The following TFEC variants were observed in gnomAD, a reference collection of about 807,000 sequenced individuals.
TFEC encodes class E basic helix-loop-helix protein 34.
A neutral mutation model predicts 41.6 loss-of-function variants in TFEC; 31 were observed. The observed-to-expected ratio is 0.74, with a 90% CI of 0.56 to 1.01. The LOEUF is 1.01. TFEC is among the 50% of genes least tolerant of loss of function. TFEC has a pLI of 0.00. For missense variants in TFEC, 402 were observed against 404.1 expected (o/e 0.99, Z 0.04); for synonymous variants, 143 against 140.6 (o/e 1.02, Z -0.12).
chr7:116,063,804 C>T (rs77161566), intron 3 of TFEC, among the ~76,000 whole-genome samples: 2,138 of 152,278 alleles, frequency 0.014, 42 homozygotes, highest in African/African-American at 0.048. Context: ...AATAGCATTA[C>T]ATTGGGTAAA....
At chr7:116,142,137 A>G (rs902913556) in intron 1 of TFEC, among the ~76,000 whole-genome samples, 1 of 152,126 alleles carries the variant, frequency 6.6e-6, no homozygotes, top group East Asian at 1.9e-4. Flanking sequence ...TCCCAAGTAC[A>G]ATTTTCTATG....
At chr7:115,989,430 C>T (rs1794005045) in intron 1 of TFEC, among the ~76,000 whole-genome samples, 1 of 152,082 alleles carries the variant, frequency 6.6e-6, no homozygotes, top group Non-Finnish European at 1.5e-5. Context: ...GGAGTGTGAG[C>T]CAAAGAAGGG....
chr7:116,021,713 T>TA (rs1789396846), intron 1 of TFEC, among the ~76,000 whole-genome samples: 1 of 152,218 alleles, frequency 6.6e-6, no homozygotes, highest in South Asian at 2.1e-4. Flanking sequence ...GCCAGTCAAA[T>TA]AAGCAGTCAG....
chr7:115,956,268 T>C (rs1792220315), intron 4 of TFEC, among the ~76,000 whole-genome samples: 1 of 150,936 alleles, frequency 6.6e-6, no homozygotes, highest in Non-Finnish European at 1.5e-5. Context: ...CCAATATTTG[T>C]TTTTTATCAA....
chr7:116,076,231 C>A (rs1014500888), intron 3 of TFEC, among the ~76,000 whole-genome samples: 1 of 152,146 alleles, frequency 6.6e-6, no homozygotes, highest in Admixed American at 6.5e-5. Context: ...CAGGAGAACA[C>A]CACATCAAGG....
In TFEC at chr7:115,955,509, G is replaced by A. The variant is rs372234663; in HGVS notation, c.383-867C>T. ...TACAAGAACTTGAGTGAAACACCTC[G>A]GGAGTGCATCCTCCAGCCTCAGTCA... is the stretch of plus-strand genomic sequence containing the variant. On this transcript the variant is annotated intron_variant, in intron 4 of 7. Coordinates refer to ENST00000265440, the MANE Select transcript of TFEC (RefSeq NM_012252.4). Among the ~76,000 whole-genome samples the A allele has an allele frequency of 2.7e-4, 41 of 152,098 alleles. No homozygotes were observed. In the East Asian group the frequency reaches 5.9e-3, roughly 22 times the overall value.
At chr7:115,957,354 A>T (rs1309777335) in intron 3 of TFEC, among the ~76,000 whole-genome samples, 1 of 151,806 alleles carries the variant, frequency 6.6e-6, no homozygotes, top group Non-Finnish European at 1.5e-5. Flanking sequence ...GTTCTAGATT[A>T]TTATAAATAT....
chr7:115,986,258 T>C (rs1437897945), intron 1 of TFEC, among the ~76,000 whole-genome samples: 1 of 152,090 alleles, frequency 6.6e-6, no homozygotes, highest in African/African-American at 2.4e-5. Flanking sequence ...GCTAAACAAT[T>C]TACATATATT....
chr7:116,029,902 T>C (rs1438274248), intron 1 of TFEC, among the ~76,000 whole-genome samples: 1 of 92,744 alleles, frequency 1.1e-5, no homozygotes, highest in Non-Finnish European at 2.2e-5. Flanking sequence ...CTACTAAAGA[T>C]ACAAAAAAAA....
At chr7:116,113,283 G>C (rs1391384063) in intron 1 of TFEC, among the ~76,000 whole-genome samples, 1 of 151,936 alleles carries the variant, frequency 6.6e-6, no homozygotes, top group African/African-American at 2.4e-5. Context: ...AGTAGGGTGA[G>C]CCCTTAATTC....
chr7:115,940,567 T>G lies in TFEC; in HGVS notation c.1028A>C (p.Asp343Ala), dbSNP rs1186414970. Reference sequence around the variant, plus strand: ...GTTTATTTCTTATAATTCATCACCATCATCTGAGCTAAAGCTACTTCTCCT... The same window carrying G: ...GTTTATTTCTTATAATTCATCACCAGCATCTGAGCTAAAGCTACTTCTCCT... ...SSRRSSFSSDDGDEL is the reference protein window; with the variant it reads ...SSRRSSFSSDAGDEL Residue 343 changes from aspartate (D) to alanine (A), a missense_variant, in exon 8 of 8, where the codon GAT (aspartate) becomes GCT (alanine). Coordinates refer to ENST00000265440, the MANE Select transcript of TFEC (RefSeq NM_012252.4). 5.6e-6 allele frequency: 9 copies of G among 1,611,054 alleles called. No individual in the cohort carries two copies. Among genetic ancestry groups the G allele is most frequent in the Non-Finnish European group, 5.9e-6 (7 of 1,178,342 alleles).
chr7:116,133,366 AG>A (rs1798372035), intron 1 of TFEC, among the ~76,000 whole-genome samples: 2 of 152,200 alleles, frequency 1.3e-5, no homozygotes, highest in South Asian at 4.1e-4. Context: ...CTTGGCCAAC[AG>A]GGTGAAACCC....
rs769952412 is a variant in TFEC, at chr7:115,950,949, A to C, written c.440T>G (p.Ile147Ser). The change falls in exon 6 of 8, where the codon ATT (isoleucine) becomes AGT (serine). Residue 147 changes from isoleucine (I) to serine (S), a missense_variant and splice_region_variant. Physicochemically the swap from Ile to Ser is moderately radical, Grantham distance 142 (BLOSUM62 -2). Coordinates refer to ENST00000265440, the MANE Select transcript of TFEC (RefSeq NM_012252.4). ...AATATTATACCTTCTTCTTCTTTCA[A>C]CTATTAAAGAAGAAATATTATTGAT... ...ERQKKDNHNLIERRRRYNINY... is the reference protein window; with the variant it reads ...ERQKKDNHNLSERRRRYNINY... 1.3e-6 allele frequency: 2 copies of C among 1,553,510 alleles called. No homozygotes were observed. The highest frequency in any genetic ancestry group is 1.8e-6 in the Non-Finnish European group (2 of 1,132,682).
chr7:116,076,084 G>A (rs1221012016), intron 3 of TFEC, among the ~76,000 whole-genome samples: 4 of 152,100 alleles, frequency 2.6e-5, no homozygotes, highest in African/African-American at 9.7e-5. Context: ...CCTCAAGATG[G>A]GTCACATCAC....
At position 115,938,564 on chromosome 7, in the gene TFEC, T is replaced by G. The variant is rs1050212783; in HGVS notation, c.*1987A>C. 1 of 151,852 alleles carries G rather than the reference T, an allele frequency of 6.6e-6. No individual in the cohort carries two copies. The highest frequency in any genetic ancestry group is 2.1e-4 in the South Asian group (1 of 4,822). 9.4% of individuals were successfully genotyped at this position (151,852 alleles called of 1,614,324 possible). On this transcript the variant is annotated 3_prime_UTR_variant, in exon 8 of 8. Coordinates refer to ENST00000265440, the MANE Select transcript of TFEC (RefSeq NM_012252.4). ...AATAAAATTATTTTAATTCTCCAAATTCTGAGCAAATGATACAAGCTAAGC... is the reference window on the plus strand; with the variant it reads ...AATAAAATTATTTTAATTCTCCAAAGTCTGAGCAAATGATACAAGCTAAGC...
intron 2 of TFEC, among the ~76,000 whole-genome samples, chr7:115,975,532 C>A (rs969792567): frequency 3.3e-5 from 5 of 152,102 alleles, no homozygotes; most frequent in African/African-American, 9.7e-5. Flanking sequence ...CATATCTTAA[C>A]AAATATTAAT....
In TFEC at chr7:116,064,695, C is replaced by T. The variant is rs1158419737; in HGVS notation, c.198+46013G>A. Among the ~76,000 whole-genome samples the T allele has an allele frequency of 3.3e-5, 5 of 151,822 alleles. No individual in the cohort carries two copies. The East Asian group carries it at 7.7e-4, about 24-fold the overall frequency. ...AACCTGCACATTCTGCACATGTATC[C>T]CAGAACTTAAAGTAAAATTAAAAAA... On this transcript the variant is annotated intron_variant, in intron 3 of 8. Transcript: ENST00000484212.
intron 3 of TFEC, among the ~76,000 whole-genome samples, chr7:115,962,026 T>C (rs908230588): frequency 2.6e-5 from 4 of 151,614 alleles, no homozygotes; most frequent in African/African-American, 9.7e-5. Context: ...AGCTCAAAAA[T>C]CAGTTGCATT....
chr7:116,038,884 T>C (rs544319157), intron 3 of TFEC, among the ~76,000 whole-genome samples: 2 of 152,218 alleles, frequency 1.3e-5, no homozygotes, highest in African/African-American at 2.4e-5. Context: ...GGGGAAGTTA[T>C]TTTCCTCATA....
Sources: allele counts gnomAD v4.1 joint callset (sites outside exome capture counted in the v4.1 genomes callset), GRCh38; gene constraint gnomAD v4.1.1; transcripts MANE v1.5; gene names NCBI Gene and HGNC (gene_info 2026-07-23, HGNC 2026-07-21).